The following ST6GALNAC3 variants were observed in gnomAD, a reference collection of about 807,000 sequenced individuals.
ST6GALNAC3 encodes the protein alpha-N-acetylgalactosaminide alpha-2,6-sialyltransferase 3.
A neutral mutation model predicts 32.7 loss-of-function variants in ST6GALNAC3; 25 were observed. The ratio of observed to expected loss-of-function variants is 0.76; its 90% CI spans 0.56 to 1.07. ST6GALNAC3 has a LOEUF of 1.07. Ranked by LOEUF, ST6GALNAC3 falls within the 50% of genes least tolerant of loss-of-function variation. The probability of loss-of-function intolerance (pLI) is 0.00; values close to 1 mark genes in which losing one functional copy is unlikely to be tolerated. For synonymous variants in ST6GALNAC3, 129 were observed against 133.1 expected (o/e 0.97, Z 0.21); for missense variants, 355 against 382.4 (o/e 0.93, Z 0.60).
At chr1:76,437,304 C>T (rs911622298) in intron 3 of ST6GALNAC3, among the ~76,000 whole-genome samples, 1 of 152,074 alleles carries the variant, frequency 6.6e-6, no homozygotes, top group Non-Finnish European at 1.5e-5. Context: ...TCAGGTCTCT[C>T]GAGATATTTA....
chr1:76,537,002 CA>C (rs1424336123), intron 3 of ST6GALNAC3, among the ~76,000 whole-genome samples: 1 of 152,166 alleles, frequency 6.6e-6, no homozygotes, highest in East Asian at 1.9e-4. Flanking sequence ...TAGGTATCTA[CA>C]GAACTCTCCA....
intron 3 of ST6GALNAC3, among the ~76,000 whole-genome samples, chr1:76,471,494 G>A (rs1437241668): frequency 6.6e-6 from 1 of 152,020 alleles, no homozygotes; most frequent in Non-Finnish European, 1.5e-5. Flanking sequence ...ATTCTTAAAG[G>A]CAATGAGTTA....
At chr1:76,132,610 T>C (rs1387040671) in intron 1 of ST6GALNAC3, among the ~76,000 whole-genome samples, 3 of 152,180 alleles carry the variant, frequency 2.0e-5, no homozygotes, top group Non-Finnish European at 4.4e-5. Flanking sequence ...TGTCTCCCTT[T>C]TGGGCCCTTG....
chr1:76,529,738 AC>A (rs1663135451), intron 3 of ST6GALNAC3, among the ~76,000 whole-genome samples: 1 of 152,180 alleles, frequency 6.6e-6, no homozygotes, highest in Admixed American at 6.6e-5. Context: ...AGATTGAGGG[AC>A]AGCAATGAGT....
chr1:76,419,202 TC>T, intron 3 of ST6GALNAC3, among the ~76,000 whole-genome samples: 1 of 152,050 alleles, frequency 6.6e-6, no homozygotes, highest in Non-Finnish European at 1.5e-5. Flanking sequence ...GTTGTGGAAA[TC>T]AAGACTTCCA....
At chr1:76,285,189 C>T (rs3883995) in intron 1 of ST6GALNAC3, among the ~76,000 whole-genome samples, 72,470 of 152,000 alleles carry the variant, frequency 0.48, 17,558 homozygotes, top group African/African-American at 0.55. Context: ...ATACTGAAGC[C>T]CTAACCAGAA....
intron 1 of ST6GALNAC3, among the ~76,000 whole-genome samples, chr1:76,092,215 G>T (rs1302735760): frequency 6.6e-6 from 1 of 152,106 alleles, no homozygotes; most frequent in East Asian, 1.9e-4. Flanking sequence ...ATCTTTTTGG[G>T]TTTATTTCTC....
At chr1:76,436,384 G>A (rs537395016) in intron 3 of ST6GALNAC3, among the ~76,000 whole-genome samples, 2 of 152,194 alleles carry the variant, frequency 1.3e-5, no homozygotes, top group East Asian at 2.0e-4. Context: ...GAGCCTCAAT[G>A]GATGCTGCTT....
At chr1:76,240,191 A>C (rs1027986352) in intron 1 of ST6GALNAC3, among the ~76,000 whole-genome samples, 2 of 152,368 alleles carry the variant, frequency 1.3e-5, no homozygotes, top group South Asian at 4.1e-4. Flanking sequence ...ATATATACAT[A>C]TATTCACTGT....
chr1:76,630,814 G>T lies in ST6GALNAC3; in HGVS notation c.*2008G>T. On this transcript the variant is annotated 3_prime_UTR_variant, in exon 5 of 5. Coordinates refer to ENST00000328299, the MANE Select transcript of ST6GALNAC3 (RefSeq NM_152996.4). ...CAATTTTTAATTCTATGAATGTTAA[G>T]TTTTTTTGAGCTAATGATAGATAGA... 1 of 985,476 alleles carries T rather than the reference G, an allele frequency of 1.0e-6. No homozygotes were observed. The highest frequency in any genetic ancestry group is 1.2e-6 in the Non-Finnish European group (1 of 829,754). 61.0% of individuals were successfully genotyped at this position (985,476 alleles called of 1,614,324 possible).
intron 3 of ST6GALNAC3, among the ~76,000 whole-genome samples, chr1:76,589,362 G>A (rs563572936): frequency 6.6e-6 from 1 of 152,122 alleles, no homozygotes; most frequent in African/African-American, 2.4e-5. Flanking sequence ...CCTTCACCTT[G>A]TGCTTCCTGA....
At chr1:76,458,623 A>G (rs1658031677) in intron 3 of ST6GALNAC3, among the ~76,000 whole-genome samples, 2 of 150,216 alleles carry the variant, frequency 1.3e-5, no homozygotes, top group African/African-American at 4.9e-5. Context: ...TTCTCAGTAA[A>G]CTATTGCAAG....
intron 1 of ST6GALNAC3, among the ~76,000 whole-genome samples, chr1:76,118,278 A>G (rs1312442709): frequency 6.6e-6 from 1 of 152,230 alleles, no homozygotes; most frequent in Non-Finnish European, 1.5e-5. Flanking sequence ...GTTCTTAAGT[A>G]TTAGCATTAT....
intron 3 of ST6GALNAC3, among the ~76,000 whole-genome samples, chr1:76,437,140 AG>A: frequency 6.6e-6 from 1 of 152,260 alleles, no homozygotes; most frequent in Admixed American, 6.5e-5. Flanking sequence ...TTACAAAATA[AG>A]GGCTTCTTCT....
chr1:76,206,206 C>T (rs1245388276), intron 1 of ST6GALNAC3, among the ~76,000 whole-genome samples: 2 of 152,148 alleles, frequency 1.3e-5, no homozygotes, highest in African/African-American at 2.4e-5. Flanking sequence ...GGGAACAGCA[C>T]AGAAAATAAT....
chr1:76,126,720 A>T (rs578159971), intron 1 of ST6GALNAC3, among the ~76,000 whole-genome samples: 1 of 152,146 alleles, frequency 6.6e-6, no homozygotes, highest in Non-Finnish European at 1.5e-5. Context: ...TTCCATTCCC[A>T]TGTTAGTAAT....
chr1:76,487,563 G>C (rs1322721205), intron 3 of ST6GALNAC3, among the ~76,000 whole-genome samples: 1 of 152,152 alleles, frequency 6.6e-6, no homozygotes, highest in Non-Finnish European at 1.5e-5. Context: ...TCGTGCCATG[G>C]TTTTCAGCTC....
chr1:76,386,396 A>T (rs1291987322), intron 2 of ST6GALNAC3, among the ~76,000 whole-genome samples: 1 of 151,482 alleles, frequency 6.6e-6, no homozygotes, highest in Non-Finnish European at 1.5e-5. Context: ...TGCCTGGTAC[A>T]TGTATTAAGC....
At position 76,353,282 on chromosome 1, in the gene ST6GALNAC3, C is replaced by T. The variant is rs561531863; in HGVS notation, c.213+39283C>T. Among the ~76,000 whole-genome samples the T allele has an allele frequency of 2.8e-4, 42 of 152,254 alleles. 1 individual carries two copies. The South Asian group carries it at 8.1e-3, about 29-fold the overall frequency. On this transcript the variant is annotated intron_variant, in intron 2 of 4. Transcript: ENST00000328299. ...TCTCCCTGTACGTTCTTCGGGCCCA[C>T]GCGTTTCTGTGGCTGGCCATTCTTG...
Sources: gnomAD v4.1 joint callset for allele counts (sites outside exome capture counted in the v4.1 genomes callset) on GRCh38, gnomAD v4.1.1 for gene constraint, MANE v1.5 for transcripts, NCBI Gene and HGNC (gene_info 2026-07-23, HGNC 2026-07-21) for gene names.